The following ZNF157 variants were observed in gnomAD, a reference collection of about 807,000 sequenced individuals.
ZNF157 encodes zinc finger protein 157, also known as zinc finger protein 22.
A neutral mutation model predicts 9.4 loss-of-function variants in ZNF157; 8 were observed. That is an observed-to-expected ratio of 0.85 (90% CI 0.50 to 1.53). The LOEUF (loss-of-function observed/expected upper bound fraction) is 1.53, where lower values mean the gene tolerates loss of function less well. ZNF157 is among the 40% of genes most tolerant of loss of function. ZNF157 has a pLI of 0.00. For missense variants in ZNF157, 316 were observed against 385.2 expected (o/e 0.82, Z 1.50); for synonymous variants, 120 against 130.8 (o/e 0.92, Z 0.56).
chrX:47,376,573 G>A (rs1161893684), intron 1 of ZNF157, among the ~76,000 whole-genome samples: 2 of 111,106 alleles, frequency 1.8e-5, no homozygotes, highest in African/African-American at 3.3e-5. Flanking sequence ...CCACGATCGC[G>A]TCATTGTACT....
intron 1 of ZNF157, among the ~76,000 whole-genome samples, chrX:47,403,240 G>A (rs1020637175): frequency 5.4e-5 from 6 of 110,450 alleles, no homozygotes; most frequent in Admixed American, 9.7e-5. Context: ...TCACGCTACT[G>A]CACTCCAGCC....
At chrX:47,387,391 G>A (rs1401942087) in intron 1 of ZNF157, among the ~76,000 whole-genome samples, 1 of 110,220 alleles carries the variant, frequency 9.1e-6, no homozygotes, top group Non-Finnish European at 1.9e-5. Flanking sequence ...CCAAAGTGTT[G>A]GGATTACAGG....
chrX:47,385,544 C>CGCGTGTGTGT (rs2055876994), intron 1 of ZNF157, among the ~76,000 whole-genome samples: 1 of 90,369 alleles, frequency 1.1e-5, no homozygotes, highest in African/African-American at 4.0e-5. Flanking sequence ...TAAGCGATTC[C>CGCGTGTGTGT]GTGTGTGTGT....
chrX:47,410,239 T>C, intron 1 of ZNF157, 37 bp from the exon 2 acceptor site: 3 of 1,210,507 alleles, frequency 2.5e-6, no homozygotes, highest in South Asian at 3.5e-5. Flanking sequence ...ATCTTTTTCA[T>C]GCATCCCATT....
chrX:47,402,888 A>G (rs1406204526), intron 1 of ZNF157, among the ~76,000 whole-genome samples: 2 of 110,000 alleles, frequency 1.8e-5, no homozygotes, highest in Admixed American at 2.0e-4. Context: ...GCTTTGTTAC[A>G]TGCGTATATT....
intron 1 of ZNF157, among the ~76,000 whole-genome samples, chrX:47,387,610 G>A (rs1360717940): frequency 9.1e-6 from 1 of 110,059 alleles, no homozygotes; most frequent in Non-Finnish European, 1.9e-5. Flanking sequence ...AGCAGGAGCT[G>A]CAATCAAGAA....
At chrX:47,397,635 G>A (rs2055917824) in intron 1 of ZNF157, among the ~76,000 whole-genome samples, 1 of 111,013 alleles carries the variant, frequency 9.0e-6, no homozygotes, top group Non-Finnish European at 1.9e-5. Flanking sequence ...GGGTAGCCTA[G>A]AACTCCTGAC....
At chrX:47,384,937 G>A (rs1486154893) in intron 1 of ZNF157, among the ~76,000 whole-genome samples, 3 of 111,830 alleles carry the variant, frequency 2.7e-5, no homozygotes, top group Non-Finnish European at 5.6e-5. Context: ...AGGGGAGTGC[G>A]GAATTAGCGG....
chrX:47,371,199 G>A (rs2055827640), intron 1 of ZNF157, among the ~76,000 whole-genome samples: 1 of 110,201 alleles, frequency 9.1e-6, no homozygotes, highest in Admixed American at 9.8e-5. Context: ...TTAACCAGGT[G>A]TTGTGGCACG....
At chrX:47,408,880 A>G (rs996087340) in intron 1 of ZNF157, among the ~76,000 whole-genome samples, 1 of 111,672 alleles carries the variant, frequency 9.0e-6, no homozygotes, top group African/African-American at 3.3e-5. Context: ...CCCTCCCACC[A>G]GGCCCCACCT....
At chrX:47,410,651 C>T (rs1180212076) in intron 2 of ZNF157, 29 bp from the exon 3 acceptor site, 2 of 1,168,918 alleles carry the variant, frequency 1.7e-6, no homozygotes, top group Admixed American at 4.8e-5. Context: ...ACAACTTGGC[C>T]CACGTCCTGT....
intron 1 of ZNF157, among the ~76,000 whole-genome samples, chrX:47,402,396 G>T (rs1009396591): frequency 1.7e-4 from 19 of 110,893 alleles, no homozygotes; most frequent in Middle Eastern, 4.3e-3. Flanking sequence ...CTTATATTTT[G>T]TCTATTTAAT....
chrX:47,411,231 T>C (rs6609499), intron 3 of ZNF157, among the ~76,000 whole-genome samples: 29,599 of 110,450 alleles, frequency 0.27, 3,115 homozygotes, highest in South Asian at 0.41. Flanking sequence ...TCAAGTGATC[T>C]GCCTGCCTTG....
intron 1 of ZNF157, among the ~76,000 whole-genome samples, chrX:47,403,636 G>T (rs2055937502): frequency 9.0e-6 from 1 of 110,919 alleles, no homozygotes; most frequent in African/African-American, 3.3e-5. Flanking sequence ...ACCTGACCAA[G>T]ATATTGTTTA....
intron 1 of ZNF157, among the ~76,000 whole-genome samples, chrX:47,381,573 T>C (rs183573439): frequency 8.9e-5 from 10 of 112,340 alleles, no homozygotes; most frequent in Non-Finnish European, 1.7e-4. Context: ...TTCGGGTATA[T>C]AGGAAAACAA....
chrX:47,405,037 G>T (rs1289443160), intron 1 of ZNF157, among the ~76,000 whole-genome samples: 1 of 110,212 alleles, frequency 9.1e-6, no homozygotes, highest in African/African-American at 3.3e-5. Context: ...GAGAGCAAAG[G>T]GGGAAGTGCC....
In ZNF157 at chrX:47,412,605, G is replaced by A; in HGVS notation, c.532G>A (p.Val178Ile). ...AGCTTACTGTAGGAAGTCAAACCTT[G>A]TTGAACATCTGAGAATACACACAGG... Reference protein sequence around the residue: ...GKAYCRKSNLVEHLRIHTGER... With the variant: ...GKAYCRKSNLIEHLRIHTGER... Residue 178 changes from valine (V) to isoleucine (I), a missense_variant, in exon 4 of 4, where the codon GTT (valine) becomes ATT (isoleucine). Val to Ile is a conservative substitution (Grantham distance 29). Transcript: ENST00000377073. 8.3e-7 allele frequency: 1 copy of A among 1,212,052 alleles called. No homozygotes were observed. The highest frequency in any genetic ancestry group is 1.1e-6 in the Non-Finnish European group (1 of 895,564).
chrX:47,370,758 AT>A lies in ZNF157; in HGVS notation c.72+25del. ...CTTTTGAGGTAAGGAGGAGGATCCTATTTTTTTCTATATGTTCTTTATTTTT... is the reference window on the plus strand; with the variant it reads ...CTTTTGAGGTAAGGAGGAGGATCCTATTTTTTCTATATGTTCTTTATTTTT... On this transcript the variant is annotated intron_variant, in intron 1 of 3. Transcript: ENST00000377073. The A allele has an allele frequency of 8.8e-7, 1 of 1,131,208 alleles. No homozygotes were observed. Among genetic ancestry groups the A allele is most frequent in the Non-Finnish European group, 1.2e-6 (1 of 844,835 alleles). The allele number at this position is 1,131,208 out of a possible 1,213,427, so 93.2% of individuals were successfully genotyped here.
rs1380249058 is a variant in ZNF157 at position 47,413,250 on chromosome X, A to C, written c.1177A>C (p.Asn393His). 1 of 1,211,803 alleles carries C rather than the reference A, an allele frequency of 8.3e-7. No individual in the cohort carries two copies. The highest frequency in any genetic ancestry group is 3.0e-5 in the East Asian group (1 of 33,827). Residue 393 changes from asparagine to histidine, a missense_variant, in exon 4 of 4, where the codon AAT becomes CAT. Asn to His is a moderately conservative substitution (Grantham distance 68). Around this residue, in one of 3 missense-constraint regions of ZNF157, gnomAD observed 167 missense variants for 183.6 expected, o/e 0.91. Coordinates refer to ENST00000377073, the MANE Select transcript of ZNF157 (RefSeq NM_003446.4). ...ACCTTACGAATGTAATGAGTGTGGT[A>C]ATGCTTTCTATGTGAAAGCACGCCT... ...EKPYECNECG[N>H]AFYVKARLIE...
Sources: gnomAD v4.1 joint callset for allele counts (sites outside exome capture counted in the v4.1 genomes callset) on GRCh38, gnomAD v4.1.1 for gene constraint, gnomAD v4.1.1 regional missense constraint, MANE v1.5 for transcripts, NCBI Gene and HGNC (gene_info 2026-07-23, HGNC 2026-07-21) for gene names.